The following DLG2 variants were observed in gnomAD, a reference collection of about 807,000 sequenced individuals.
DLG2 encodes disks large homolog 2.
In DLG2, 45 loss-of-function variants were observed where a neutral mutation model predicts 132.5. That is an observed-to-expected ratio of 0.34 (90% confidence interval 0.27 to 0.44). DLG2 has a LOEUF of 0.44. Among genes scored for constraint, DLG2 ranks in the 20% least tolerant of loss-of-function variants. The probability of loss-of-function intolerance (pLI) is 1.00; values close to 1 mark genes in which losing one functional copy is unlikely to be tolerated. For synonymous variants in DLG2, 424 were observed against 419.6 expected, an observed-to-expected ratio of 1.01 and a Z score of -0.13; for missense variants, 1,045 against 1,196.9, an observed-to-expected ratio of 0.87 and a Z score of 1.87.
At chr11:83,812,692 A>T (rs1371635006) in intron 17 of DLG2, among the ~76,000 whole-genome samples, 1 of 152,196 alleles carries the variant, frequency 6.6e-6, no homozygotes, top group East Asian at 1.9e-4. Flanking sequence ...CTAACATTCA[A>T]CCTCAGTGTG....
At chr11:84,406,570 GC>G (rs2098850994) in intron 7 of DLG2, among the ~76,000 whole-genome samples, 1 of 152,144 alleles carries the variant, frequency 6.6e-6, no homozygotes, top group African/African-American at 2.4e-5. Context: ...GAACTCTTGG[GC>G]TAAAGGAATC....
At chr11:84,489,179 AG>A (rs1158525415) in intron 7 of DLG2, among the ~76,000 whole-genome samples, 1 of 152,068 alleles carries the variant, frequency 6.6e-6, no homozygotes, top group African/African-American at 2.4e-5. Flanking sequence ...GTCACTTCAA[AG>A]TTTATGATAG....
intron 8 of DLG2, among the ~76,000 whole-genome samples, chr11:84,185,013 T>C (rs7937260): frequency 0.86 from 130,605 of 152,116 alleles, 56,225 homozygotes; most frequent in Middle Eastern, 0.93. Context: ...GTGATGCCTC[T>C]GGCTTTGTTC....
chr11:84,550,117 C>T (rs1203581067), intron 6 of DLG2, among the ~76,000 whole-genome samples: 3 of 63,944 alleles, frequency 4.7e-5, no homozygotes, highest in Admixed American at 2.3e-4. Context: ...CGAGCCTATA[C>T]ACACACACAC....
intron 27 of DLG2, among the ~76,000 whole-genome samples, chr11:83,461,139 G>A (rs2089903868): frequency 6.6e-6 from 1 of 151,348 alleles, no homozygotes; most frequent in Non-Finnish European, 1.5e-5. Context: ...CTCCCTAGTA[G>A]CTGGGATTAC....
intron 4 of DLG2, among the ~76,000 whole-genome samples, chr11:85,164,707 T>C (rs983570726): frequency 6.6e-6 from 1 of 152,184 alleles, no homozygotes; most frequent in Non-Finnish European, 1.5e-5. Flanking sequence ...TACAATAAGC[T>C]AGGCCTCTCT....
At chr11:84,376,645 T>C (rs1017332376) in intron 7 of DLG2, among the ~76,000 whole-genome samples, 1 of 151,990 alleles carries the variant, frequency 6.6e-6, no homozygotes, top group African/African-American at 2.4e-5. Context: ...TTTTGATTTA[T>C]AATCCTTCTC....
chr11:85,601,862 G>A lies in DLG2; in HGVS notation c.-92-3074C>T, dbSNP rs1474054551. ...AGATGTTTAGAATACCTCTGAACATGGTAAGACTTCTTTAATCTTACTCCC... is the reference window on the plus strand; with the variant it reads ...AGATGTTTAGAATACCTCTGAACATAGTAAGACTTCTTTAATCTTACTCCC... On this transcript the variant is annotated intron_variant, in intron 2 of 27. Transcript: ENST00000376104. 2.0e-5 allele frequency among the ~76,000 whole-genome samples: 3 copies of A among 152,054 alleles called. No homozygotes were observed. The South Asian group carries it at 6.2e-4, about 32-fold the overall frequency.
chr11:85,068,155 A>C (rs1309328517), intron 6 of DLG2, among the ~76,000 whole-genome samples: 2 of 152,106 alleles, frequency 1.3e-5, no homozygotes, highest in Non-Finnish European at 2.9e-5. Flanking sequence ...TGTATCTCAA[A>C]ATAATAAGAG....
At chr11:85,116,885 T>C (rs970119298) in intron 5 of DLG2, among the ~76,000 whole-genome samples, 1 of 151,976 alleles carries the variant, frequency 6.6e-6, no homozygotes, top group Non-Finnish European at 1.5e-5. Flanking sequence ...AGAATATCTT[T>C]GAAGAGGGGT....
intron 6 of DLG2, among the ~76,000 whole-genome samples, chr11:85,100,432 G>A (rs2152271982): frequency 1.3e-5 from 2 of 152,260 alleles, no homozygotes; most frequent in South Asian, 4.1e-4. Context: ...AAGGCAAAGA[G>A]ATATTGAAAG....
intron 7 of DLG2, among the ~76,000 whole-genome samples, chr11:84,337,447 G>T (rs969943260): frequency 6.6e-6 from 1 of 152,124 alleles, no homozygotes; most frequent in Non-Finnish European, 1.5e-5. Flanking sequence ...TGTTAGAGAT[G>T]ACAATTTTTA....
chr11:84,684,307 T>C (rs1346346236), intron 6 of DLG2, among the ~76,000 whole-genome samples: 1 of 152,180 alleles, frequency 6.6e-6, no homozygotes, highest in Admixed American at 6.5e-5. Context: ...TGGTATCATC[T>C]GCACCCAGCT....
chr11:83,594,113 G>A (rs1226485085), intron 19 of DLG2, among the ~76,000 whole-genome samples: 6 of 152,240 alleles, frequency 3.9e-5, no homozygotes, highest in African/African-American at 1.2e-4. Flanking sequence ...TCTGTTCCCT[G>A]TATTTCCTGG....
chr11:84,032,113 C>T (rs183975000), intron 11 of DLG2, among the ~76,000 whole-genome samples: 50 of 152,172 alleles, frequency 3.3e-4, no homozygotes, highest in Non-Finnish European at 6.8e-4. Context: ...CCCAAGACCC[C>T]GAGGCTAAAT....
intron 9 of DLG2, among the ~76,000 whole-genome samples, chr11:84,105,469 A>C (rs1423291562): frequency 6.6e-6 from 1 of 152,178 alleles, no homozygotes; most frequent in African/African-American, 2.4e-5. Flanking sequence ...GATGCATAGC[A>C]CTGTTTAAAG....
chr11:84,531,526 T>C (rs1180166590), intron 7 of DLG2, among the ~76,000 whole-genome samples: 1 of 152,190 alleles, frequency 6.6e-6, no homozygotes. Context: ...ACACATCTTG[T>C]TTAGCATAAA....
At chr11:85,254,533 C>A (rs998822599) in intron 4 of DLG2, among the ~76,000 whole-genome samples, 1 of 151,760 alleles carries the variant, frequency 6.6e-6, no homozygotes, top group Non-Finnish European at 1.5e-5. Flanking sequence ...GTATTTATTT[C>A]TTTGTTATTA....
At chr11:84,228,415 C>T (rs17564550) in intron 8 of DLG2, among the ~76,000 whole-genome samples, 7,355 of 152,226 alleles carry the variant, frequency 0.048, 270 homozygotes, top group Non-Finnish European at 0.076. Flanking sequence ...TATTATCTAT[C>T]GGGAACAAGA....
Sources: allele counts gnomAD v4.1 joint callset (sites outside exome capture counted in the v4.1 genomes callset), GRCh38; gene constraint gnomAD v4.1.1; transcripts MANE v1.5; gene names NCBI Gene and HGNC (gene_info 2026-07-23, HGNC 2026-07-21).